IFT172: variants seen among roughly 807,000 people sequenced by gnomAD.
IFT172 encodes the protein intraflagellar transport protein 172 homolog.
Under a neutral mutation model 248.9 loss-of-function variants are expected in IFT172, and 164 were observed. The observed-to-expected ratio is 0.66, with a 90% confidence interval of 0.58 to 0.75. IFT172 has a LOEUF of 0.75. Ranked by LOEUF, IFT172 falls within the 30% of genes least tolerant of loss-of-function variation. The probability of loss-of-function intolerance (pLI) is 0.00; values close to 1 mark genes in which losing one functional copy is unlikely to be tolerated. For missense variants in IFT172, 1,950 were observed against 2,192.4 expected, an observed-to-expected ratio of 0.89 and a Z score of 2.21; for synonymous variants, 729 against 791.6, an observed-to-expected ratio of 0.92 and a Z score of 1.33.
rs565760082 is a variant in IFT172, at chr2:27,448,785, TG to T, written c.4428+129del. On this transcript the variant is annotated intron_variant, in intron 40 of 47. Transcript: ENST00000260570. ...GAGGCTGTACATTTCTGGAGATGCG[TG>T]GGGGGCTCTGGGCATGACGTTCTCT... 8.1e-5 allele frequency: 56 copies of T among 687,944 alleles called. No homozygotes were observed. The African/African-American group carries it at 8.3e-4, about 10-fold the overall frequency. 42.6% of individuals were successfully genotyped at this position (687,944 alleles called of 1,614,324 possible). A position where few individuals can be genotyped will look rare whatever the true frequency, so the allele number is the denominator to read the frequency against.
In IFT172 at chr2:27,462,730, T is replaced by C. The variant is rs1052440631; in HGVS notation, c.2086A>G (p.Lys696Glu). Residue 696 changes from lysine (K) to glutamate (E), a missense_variant, in exon 20 of 48, where the codon AAA becomes GAA. By Grantham distance (56) the Lys-to-Glu change is moderately conservative. This residue lies in a region of IFT172 where 1,166 missense variants were observed against 1,254.1 expected (regional missense o/e 0.93). Coordinates refer to ENST00000260570, the MANE Select transcript of IFT172 (RefSeq NM_015662.3). ...ARLAMLEKNY[K>E]LAEMIFLEQN... ...TCCAAAAAGATCATTTCAGCCAGTT[T>C]GTAGTTCTTTTCCAGCATGGCTAGA... 1.2e-6 allele frequency: 2 copies of C among 1,614,018 alleles called. No homozygotes were observed. The highest frequency in any genetic ancestry group is 8.5e-7 in the Non-Finnish European group (1 of 1,179,942).
chr2:27,445,593 G>A lies in IFT172; in HGVS notation c.4915-144C>T, dbSNP rs1438679180. The A allele has an allele frequency of 7.8e-7, 1 of 1,289,624 alleles. No individual in the cohort carries two copies. The allele number at this position is 1,289,624 out of a possible 1,614,324, so 79.9% of individuals were successfully genotyped here. On this transcript the variant is annotated intron_variant, in intron 45 of 47. Coordinates refer to ENST00000260570, the MANE Select transcript of IFT172 (RefSeq NM_015662.3). This position sits in a 1 kb window ranked among gnomAD's most constrained non-coding sequence, Gnocchi z 4.4. ...AATCCTCCTTGGATTGGGGGATGCA[G>A]TCACAGCCTTTTCTTTCTATTTTGC...
intron 1 of IFT172, among the ~76,000 whole-genome samples, chr2:27,487,568 A>T (rs970837531): frequency 6.6e-6 from 1 of 152,164 alleles, no homozygotes; most frequent in Non-Finnish European, 1.5e-5. Context: ...TACAGTTTGT[A>T]AGTGGTAGGA....
Position 27,447,914 on chromosome 2 carries a change from A to G in IFT172, c.4437T>C (p.Asn1479=). 6.2e-7 allele frequency: 1 copy of G among 1,602,180 alleles called. No homozygotes were observed. The highest frequency in any genetic ancestry group is 1.1e-5 in the South Asian group (1 of 90,822). ...TGTCAGTGAAGATCCTTTTGTAGATATTGAAGTTCTAGAGGTAGAGGGAAG... is the reference window on the plus strand; with the variant it reads ...TGTCAGTGAAGATCCTTTTGTAGATGTTGAAGTTCTAGAGGTAGAGGGAAG... ...HGAPANPQNF[N]IYKRIFTDMV... The change falls in exon 41 of 48, where the codon AAT becomes AAC. Residue 1479 remains asparagine (N), a synonymous_variant. Transcript: ENST00000260570.
At chr2:27,488,906 C>G (rs538423875) in intron 1 of IFT172, among the ~76,000 whole-genome samples, 5 of 152,294 alleles carry the variant, frequency 3.3e-5, no homozygotes, top group African/African-American at 1.2e-4. Flanking sequence ...CCCGGGCGTG[C>G]TAGCGCACGT....
chr2:27,449,943 C>T (rs1205573776), intron 36 of IFT172, 55 bp downstream of exon 36: 7 of 1,501,204 alleles, frequency 4.7e-6, no homozygotes, highest in Non-Finnish European at 6.5e-6. Flanking sequence ...TAGATGTCAC[C>T]CTTGCACCCA....
At position 27,472,260 on chromosome 2, in the gene IFT172, C is replaced by A. The variant is rs747777887; in HGVS notation, c.1514G>T (p.Arg505Leu). The change falls in exon 15 of 48, where the codon CGG becomes CTG. Residue 505 changes from arginine (R) to leucine (L), a missense_variant. Around this residue, in one of 3 missense-constraint regions of IFT172, gnomAD observed 1,166 missense variants for 1,254.1 expected, o/e 0.93. Coordinates refer to ENST00000260570, the MANE Select transcript of IFT172 (RefSeq NM_015662.3). Reference sequence around the variant, plus strand: ...AGTAGCTCTTCTCACACGAAGTTTCCGGTCCCTGAAGAGGAGCTTGTGTCC... The same window carrying A: ...AGTAGCTCTTCTCACACGAAGTTTCAGGTCCCTGAAGAGGAGCTTGTGTCC... ...ETGHKLLFRD[R>L]KLRLHLYDIE... is the part of the protein sequence containing the mutation. 6.2e-7 allele frequency: 1 copy of A among 1,613,524 alleles called. No individual in the cohort carries two copies. Among genetic ancestry groups the A allele is most frequent in the Admixed American group, 1.7e-5 (1 of 60,010 alleles).
chr2:27,470,894 T>TA (rs1164728582), intron 16 of IFT172, 34 bp downstream of exon 16: 2 of 1,542,844 alleles, frequency 1.3e-6, no homozygotes, highest in Non-Finnish European at 1.7e-6. Flanking sequence ...ATCAGCTCAA[T>TA]ACCACATCTG....
chr2:27,450,446 G>A (rs891815750), intron 35 of IFT172, among the ~76,000 whole-genome samples: 11 of 152,112 alleles, frequency 7.2e-5, no homozygotes, highest in Admixed American at 1.3e-4. Flanking sequence ...CTAAAATAAG[G>A]AGTCCAGGGC....
chr2:27,466,127 C>T, intron 16 of IFT172: 2 of 523,866 alleles, frequency 3.8e-6, no homozygotes, highest in East Asian at 6.6e-5. Flanking sequence ...GCATTCACTT[C>T]TGCTTCCAGC....
intron 16 of IFT172, among the ~76,000 whole-genome samples, chr2:27,467,418 G>GGAAAA (rs1558391401): frequency 2.4e-4 from 4 of 16,426 alleles, no homozygotes; most frequent in Non-Finnish European, 4.2e-4. Context: ...ACAGAAAATT[G>GGAAAA]AAAAAAAAAA....
chr2:27,484,311 G>A lies in IFT172; in HGVS notation c.297-45C>T, dbSNP rs1181414456. The A allele has an allele frequency of 5.6e-6, 9 of 1,605,598 alleles. No individual in the cohort carries two copies. The Admixed American group carries it at 1.5e-4, about 27-fold the overall frequency. ...GAAACATATTAAAAACCACTTCCAG[G>A]CCGGGCGTGGTGGCTCATGCCTGTA... On this transcript the variant is annotated intron_variant, in intron 3 of 47. Transcript: ENST00000260570.
intron 7 of IFT172, among the ~76,000 whole-genome samples, 164 bp from the exon 8 acceptor site, chr2:27,481,424 G>GTC (rs1423413233): frequency 4.3e-5 from 6 of 140,912 alleles, no homozygotes; most frequent in South Asian, 4.5e-4. Flanking sequence ...TTCACAAATT[G>GTC]TCACACACAC....
Position 27,454,990 on chromosome 2 carries a change from G to A in IFT172, c.3372-330C>T, listed in dbSNP as rs1040182830. On this transcript the variant is annotated intron_variant, in intron 30 of 47. Coordinates refer to ENST00000260570, the MANE Select transcript of IFT172 (RefSeq NM_015662.3). This position sits in a 1 kb window ranked among gnomAD's most constrained non-coding sequence, Gnocchi z 4.2. ...GCCCTACACTGACAGGGCTAGGAGG[G>A]CTCCTGGTGCTCTCCATCTCTTCCT... Among the ~76,000 whole-genome samples, 3 of 152,172 alleles carry A rather than the reference G, an allele frequency of 2.0e-5. No homozygotes were observed. Among genetic ancestry groups the A allele is most frequent in the Admixed American group, 2.0e-4 (3 of 15,272 alleles).
chr2:27,450,708 G>A (rs1481709416), intron 35 of IFT172, among the ~76,000 whole-genome samples: 2 of 151,798 alleles, frequency 1.3e-5, no homozygotes, highest in African/African-American at 4.8e-5. Context: ...CTCTTGTCTT[G>A]GCCTCCTGAG....
intron 16 of IFT172, among the ~76,000 whole-genome samples, chr2:27,468,832 G>C (rs947511572): frequency 2.1e-5 from 3 of 141,028 alleles, no homozygotes; most frequent in Admixed American, 7.6e-5. Context: ...CTGGGCAACA[G>C]AGCGACACTC....
intron 37 of IFT172, 48 bp from the exon 38 acceptor site, chr2:27,449,610 C>G: frequency 6.2e-7 from 1 of 1,613,324 alleles, no homozygotes; most frequent in East Asian, 2.2e-5. Flanking sequence ...AGAATACCAA[C>G]CCTCCCGGTA....
At position 27,463,151 on chromosome 2, in the gene IFT172, T is replaced by G. The variant is rs769179241; in HGVS notation, c.1968A>C (p.Lys656Asn). The stretch of plus-strand genomic sequence containing the variant: ...CATTGGTCTCATGCAGGAATCGAGC[T>G]TTTGCTACTTGGCCCAAAGCAGAAA... ...RCFSALGQVA[K>N]ARFLHETNEI... is the part of the protein sequence containing the mutation. Residue 656 changes from lysine (K) to asparagine (N), a missense_variant, in exon 19 of 48, where the codon AAA (lysine) becomes AAC (asparagine). Physicochemically the swap from Lys to Asn is moderately conservative, Grantham distance 94 (BLOSUM62 0). Around this residue, in one of 3 missense-constraint regions of IFT172, gnomAD observed 1,166 missense variants for 1,254.1 expected, o/e 0.93. Transcript: ENST00000260570. The G allele has an allele frequency of 7.4e-6, 12 of 1,614,188 alleles. No homozygotes were observed. Among genetic ancestry groups the G allele is most frequent in the Non-Finnish European group, 1.0e-5 (12 of 1,180,032 alleles).
intron 19 of IFT172, 115 bp from the exon 20 acceptor site, chr2:27,462,908 C>T: frequency 8.3e-7 from 1 of 1,201,316 alleles, no homozygotes; most frequent in Non-Finnish European, 1.2e-6. Context: ...GAAGGTAAAA[C>T]ACTTCATGGA....
Sources: allele counts gnomAD v4.1 joint callset (sites outside exome capture counted in the v4.1 genomes callset), GRCh38; gene constraint gnomAD v4.1.1; regional missense constraint gnomAD v4.1.1; non-coding constraint Gnocchi (gnomAD v3.1); transcripts MANE v1.5; gene names NCBI Gene and HGNC (gene_info 2026-07-23, HGNC 2026-07-21).